The following LRRC4C variants were observed in gnomAD, a reference collection of about 807,000 sequenced individuals.
LRRC4C encodes leucine-rich repeat-containing protein 4C.
In LRRC4C, 5 loss-of-function variants were observed where a neutral mutation model predicts 33.6. That is an observed-to-expected ratio of 0.15 (90% CI 0.08 to 0.31). The LOEUF (loss-of-function observed/expected upper bound fraction) is 0.31. Ranked by LOEUF, LRRC4C falls within the 10% of genes least tolerant of loss-of-function variation. The pLI is 1.00. For missense variants in LRRC4C, 560 were observed against 796.7 expected (o/e 0.70, Z 3.58); for synonymous variants, 329 against 302.0 (o/e 1.09, Z -0.93).
intron 1 of LRRC4C, among the ~76,000 whole-genome samples, chr11:41,071,749 A>G (rs1817407300): frequency 6.6e-6 from 1 of 152,250 alleles, no homozygotes; most frequent in Non-Finnish European, 1.5e-5. Flanking sequence ...TACCATAGAT[A>G]GTACTTCCTG....
chr11:40,723,326 C>CAA (rs60736295), intron 2 of LRRC4C, among the ~76,000 whole-genome samples: 17 of 141,412 alleles, frequency 1.2e-4, no homozygotes, highest in African/African-American at 4.1e-4. Flanking sequence ...AAGATTAATG[C>CAA]AAAAAAAAAA....
intron 1 of LRRC4C, among the ~76,000 whole-genome samples, chr11:41,187,779 G>A (rs988143181): frequency 1.3e-5 from 2 of 152,174 alleles, no homozygotes; most frequent in Non-Finnish European, 2.9e-5. Flanking sequence ...ACCCCTAGAC[G>A]CTGCCGTGGG....
At chr11:40,431,984 T>G in intron 3 of LRRC4C, among the ~76,000 whole-genome samples, 1 of 152,194 alleles carries the variant, frequency 6.6e-6, no homozygotes, top group South Asian at 2.1e-4. Context: ...ACCTCAACCT[T>G]TGATTCTCAT....
At chr11:40,134,230 C>T (rs10837348) in intron 6 of LRRC4C, among the ~76,000 whole-genome samples, 33,410 of 151,952 alleles carry the variant, frequency 0.22, 4,494 homozygotes, top group African/African-American at 0.39. Flanking sequence ...TATCTCTAAA[C>T]AATAATCATC....
At chr11:41,111,863 TCTGA>T (rs1272736052) in intron 1 of LRRC4C, among the ~76,000 whole-genome samples, 1 of 152,040 alleles carries the variant, frequency 6.6e-6, no homozygotes, top group Non-Finnish European at 1.5e-5. Flanking sequence ...AGAAAAAAGT[TCTGA>T]CTATCATAGA....
chr11:41,366,787 G>T (rs1952560789), intron 1 of LRRC4C, among the ~76,000 whole-genome samples: 1 of 152,092 alleles, frequency 6.6e-6, no homozygotes, highest in Admixed American at 6.5e-5. Flanking sequence ...TGTGAAAACT[G>T]GAGGAAGAAA....
At chr11:41,410,004 AG>A (rs1215099722) in intron 1 of LRRC4C, among the ~76,000 whole-genome samples, 2 of 152,228 alleles carry the variant, frequency 1.3e-5, no homozygotes, top group Non-Finnish European at 2.9e-5. Context: ...TCTGCTCAGA[AG>A]ATGCATGTAT....
intron 3 of LRRC4C, among the ~76,000 whole-genome samples, chr11:40,463,611 G>A (rs1165137968): frequency 6.6e-6 from 1 of 151,878 alleles, no homozygotes; most frequent in East Asian, 1.9e-4. Context: ...GAGAATTTTG[G>A]CAATTCTTTT....
intron 2 of LRRC4C, among the ~76,000 whole-genome samples, chr11:40,656,301 T>C (rs1259951443): frequency 6.6e-6 from 1 of 151,940 alleles, no homozygotes; most frequent in Non-Finnish European, 1.5e-5. Flanking sequence ...TCTCCTTTTT[T>C]CCCTAATTTC....
chr11:41,148,279 T>A lies in LRRC4C; in HGVS notation c.-495-214556A>T, dbSNP rs144748349. On this transcript the variant is annotated intron_variant, in intron 1 of 6. Transcript: ENST00000528697. ...ATCTGCCTGCCTCAGACTCCCAAAGTGCTGGGATTACAGGAGCAGGAGAAA... is the reference window on the plus strand; with the variant it reads ...ATCTGCCTGCCTCAGACTCCCAAAGAGCTGGGATTACAGGAGCAGGAGAAA... 8.3e-3 allele frequency among the ~76,000 whole-genome samples: 1,263 copies of A among 152,156 alleles called. 26 individuals carry two copies. The highest frequency in any genetic ancestry group is 0.029 in the African/African-American group (1,201 of 41,514).
intron 1 of LRRC4C, among the ~76,000 whole-genome samples, chr11:41,080,342 C>CTT (rs71060997): frequency 0.018 from 1,891 of 103,418 alleles, 31 homozygotes; most frequent in African/African-American, 0.028. Flanking sequence ...GAGTCTCCTC[C>CTT]TTTTTTTTTT....
chr11:40,982,691 A>C (rs1339247761), intron 1 of LRRC4C, among the ~76,000 whole-genome samples: 2 of 152,146 alleles, frequency 1.3e-5, no homozygotes, highest in African/African-American at 2.4e-5. Context: ...CTTAAGGGGT[A>C]CATTTGCAAG....
intron 2 of LRRC4C, among the ~76,000 whole-genome samples, chr11:40,683,132 A>T (rs1171767606): frequency 6.6e-6 from 1 of 152,284 alleles, no homozygotes; most frequent in East Asian, 1.9e-4. Flanking sequence ...TTTTTGTCTC[A>T]TGCTAGTTCT....
chr11:40,892,883 T>C (rs1955783167), intron 2 of LRRC4C, among the ~76,000 whole-genome samples: 1 of 152,184 alleles, frequency 6.6e-6, no homozygotes, highest in Non-Finnish European at 1.5e-5. Context: ...CACAATATTA[T>C]AATGTATTTA....
rs2137918240 is a variant in LRRC4C, at chr11:41,383,877, G to A, written c.-496+75554C>T. 1.3e-5 allele frequency among the ~76,000 whole-genome samples: 2 copies of A among 151,916 alleles called. 1 individual carries two copies. Among genetic ancestry groups the A allele is most frequent in the Middle Eastern group, 6.8e-3 (2 of 294 alleles). On this transcript the variant is annotated intron_variant, in intron 1 of 6. Transcript: ENST00000528697. ...ACATAAGAAAATAGACATGTAACAAGTAAAAAGATGATAAAAGAAACACCA... is the reference window on the plus strand; with the variant it reads ...ACATAAGAAAATAGACATGTAACAAATAAAAAGATGATAAAAGAAACACCA...
At chr11:40,391,844 G>C (rs1302074410) in intron 3 of LRRC4C, among the ~76,000 whole-genome samples, 1 of 152,126 alleles carries the variant, frequency 6.6e-6, no homozygotes, top group African/African-American at 2.4e-5. Context: ...ACCTGTCTGC[G>C]AATGTTCCTA....
chr11:41,325,764 C>T (rs559031153), intron 1 of LRRC4C, among the ~76,000 whole-genome samples: 7 of 152,130 alleles, frequency 4.6e-5, no homozygotes, highest in Middle Eastern at 3.4e-3. Flanking sequence ...AGATACAAAA[C>T]GCAACTGTAT....
chr11:40,200,180 T>TAAAAAAAAAAAAAAAAAAA (rs56269292), intron 5 of LRRC4C, among the ~76,000 whole-genome samples: 8 of 26,046 alleles, frequency 3.1e-4, no homozygotes, highest in Admixed American at 7.2e-4. Context: ...CTGTCTCCAC[T>TAAAAAAAAAAAAAAAAAAA]AAAAAAAAAA....
chr11:40,627,771 G>T (rs1346882589), intron 3 of LRRC4C, among the ~76,000 whole-genome samples: 2 of 152,138 alleles, frequency 1.3e-5, no homozygotes, highest in East Asian at 1.9e-4. Flanking sequence ...AAACTCAAGC[G>T]TGAAGAAACA....
Sources: allele counts gnomAD v4.1 joint callset (sites outside exome capture counted in the v4.1 genomes callset), GRCh38; gene constraint gnomAD v4.1.1; transcripts MANE v1.5; gene names NCBI Gene and HGNC (gene_info 2026-07-23, HGNC 2026-07-21).